The following KLF17 variants were observed in gnomAD, a reference collection of about 807,000 sequenced individuals.
KLF17 encodes KLF transcription factor 17.
KLF17 carries 31 observed loss-of-function variants against 34.2 expected under a neutral mutation model. The ratio of observed to expected loss-of-function variants is 0.91; its 90% CI spans 0.68 to 1.22. KLF17 has a LOEUF of 1.22. Among genes scored for constraint, KLF17 ranks in the 50% most tolerant of loss-of-function variants. KLF17 has a pLI of 0.00. For synonymous variants in KLF17, 179 were observed against 186.7 expected, an observed-to-expected ratio of 0.96 and a Z score of 0.34; for missense variants, 478 against 505.2, an observed-to-expected ratio of 0.95 and a Z score of 0.52.
At chr1:44,107,346 C>T in the KLF17 span, 3 of 152,304 alleles carry the variant, frequency 2.0e-5, no homozygotes, top group African/African-American at 7.2e-5. Context: ...CTTAGGTTAT[C>T]CACCCGCCTC....
chr1:44,126,388 A>G (rs1289246022), intron 1 of KLF17, among the ~76,000 whole-genome samples: 2 of 152,222 alleles, frequency 1.3e-5, no homozygotes, highest in South Asian at 4.1e-4. Context: ...CTCCAGGAAC[A>G]TGGGGTGTGT....
chr1:44,095,522 TC>T, the KLF17 span, among the ~76,000 whole-genome samples: 1 of 152,076 alleles, frequency 6.6e-6, no homozygotes, highest in African/African-American at 2.4e-5. Flanking sequence ...GCCTTTTATA[TC>T]TTTTTTTTAA....
chr1:44,070,763 G>A, the KLF17 span, among the ~76,000 whole-genome samples: 2 of 151,742 alleles, frequency 1.3e-5, no homozygotes, highest in African/African-American at 4.8e-5. Context: ...GACAAACAAA[G>A]CACATGTTTG....
chr1:44,072,910 G>C, the KLF17 span, among the ~76,000 whole-genome samples: 1 of 152,092 alleles, frequency 6.6e-6, no homozygotes, highest in African/African-American at 2.4e-5. Context: ...TAGAGAAATA[G>C]GTGTTTGAAG....
At chr1:44,114,807 T>C (rs968276192), upstream of KLF17, 3 of 152,230 alleles carry the variant, frequency 2.0e-5, no homozygotes, top group Admixed American at 6.5e-5. Context: ...AAATCTTTTG[T>C]TGGTTTAAGT....
the KLF17 span, among the ~76,000 whole-genome samples, chr1:44,102,565 TACACACACACACAC>T: frequency 1.2e-3 from 105 of 89,346 alleles, 1 homozygote; most frequent in East Asian, 4.5e-3. Flanking sequence ...CACATACACA[TACACACACACACAC>T]ACACACACAC....
At chr1:44,107,891 G>T in the KLF17 span, among the ~76,000 whole-genome samples, 1 of 152,114 alleles carries the variant, frequency 6.6e-6, no homozygotes, top group Admixed American at 6.5e-5. Flanking sequence ...AGCATATATA[G>T]GGTCTGATAT....
At chr1:44,043,977 G>A in the KLF17 span, 1 of 152,834 alleles carries the variant, frequency 6.5e-6, no homozygotes, top group African/African-American at 2.4e-5. Context: ...AGGTGGGGGA[G>A]GGGCTAAAGA....
At chr1:44,057,396 G>T in the KLF17 span, among the ~76,000 whole-genome samples, 1 of 152,180 alleles carries the variant, frequency 6.6e-6, no homozygotes, top group East Asian at 1.9e-4. Context: ...GGAACTTTTA[G>T]ATGCTGTCCT....
chr1:44,052,286 A>T, the KLF17 span: 1 of 152,056 alleles, frequency 6.6e-6, no homozygotes, highest in Admixed American at 6.5e-5. Flanking sequence ...CCAGTTGCAG[A>T]CCTCTTCCTG....
upstream of KLF17, among the ~76,000 whole-genome samples, chr1:44,118,059 G>A (rs1315591162): frequency 6.6e-6 from 1 of 152,066 alleles, no homozygotes; most frequent in Admixed American, 6.6e-5. Flanking sequence ...GCACCGTTGG[G>A]CTCTTTTTTG....
the KLF17 span, among the ~76,000 whole-genome samples, chr1:44,097,531 G>C: frequency 3.2e-4 from 48 of 151,942 alleles, no homozygotes; most frequent in Non-Finnish European, 6.2e-4. Context: ...CATGGCACGT[G>C]TATACCTATG....
the KLF17 span, among the ~76,000 whole-genome samples, chr1:44,067,321 CA>C: frequency 1.3e-5 from 2 of 152,228 alleles, no homozygotes; most frequent in East Asian, 3.9e-4. Context: ...GGATGTATCA[CA>C]AGGTATTAGG....
chr1:44,076,605 ATT>A, the KLF17 span: 1 of 151,962 alleles, frequency 6.6e-6, no homozygotes, highest in Non-Finnish European at 1.5e-5. Context: ...TGTGGTTTTA[ATT>A]TGCATTTTCC....
At chr1:44,103,662 C>A in the KLF17 span, 1 of 1,610,266 alleles carries the variant, frequency 6.2e-7, no homozygotes, top group Admixed American at 1.7e-5. Context: ...CTAGTACTCA[C>A]GCAGCTGCCG....
chr1:44,105,351 A>G, the KLF17 span: 1 of 149,720 alleles, frequency 6.7e-6, no homozygotes, highest in Non-Finnish European at 1.5e-5. Flanking sequence ...AACTTTTTAA[A>G]ATGAATGGTG....
chr1:44,126,899 A>G (rs181295326), intron 1 of KLF17, among the ~76,000 whole-genome samples: 7 of 151,824 alleles, frequency 4.6e-5, no homozygotes, highest in Admixed American at 4.6e-4. Flanking sequence ...ATTTAGCATT[A>G]TTATTATTTA....
At chr1:44,132,078 G>T (rs917263431) in intron 3 of KLF17, among the ~76,000 whole-genome samples, 22 of 152,086 alleles carry the variant, frequency 1.4e-4, no homozygotes, top group Admixed American at 3.9e-4. Flanking sequence ...AGGCTGAGGC[G>T]GGTGGATCAC....
the KLF17 span, among the ~76,000 whole-genome samples, chr1:44,109,897 C>CTTTTTT: frequency 7.8e-5 from 6 of 77,200 alleles, no homozygotes; most frequent in African/African-American, 2.6e-4. Context: ...CTTTTTTATA[C>CTTTTTT]TTTTTTTTTT....
Sources: allele counts gnomAD v4.1 joint callset (sites outside exome capture counted in the v4.1 genomes callset), GRCh38; gene constraint gnomAD v4.1.1; transcripts MANE v1.5; gene names NCBI Gene and HGNC (gene_info 2026-07-23, HGNC 2026-07-21).